SLC25A13: variants seen among roughly 807,000 people sequenced by gnomAD.
SLC25A13 encodes electrogenic aspartate/glutamate antiporter SLC25A13, mitochondrial.
A neutral mutation model predicts 85.5 loss-of-function variants in SLC25A13; 70 were observed. The ratio of observed to expected loss-of-function variants is 0.82; its 90% CI spans 0.68 to 1.00. The LOEUF is 1.00. Among genes scored for constraint, SLC25A13 ranks in the 50% least tolerant of loss-of-function variants. The probability of loss-of-function intolerance (pLI) is 0.00; values close to 1 mark genes in which losing one functional copy is unlikely to be tolerated. For missense variants in SLC25A13, 765 were observed against 819.8 expected, an observed-to-expected ratio of 0.93 and a Z score of 0.82; for synonymous variants, 259 against 288.7, an observed-to-expected ratio of 0.90 and a Z score of 1.04.
intron 3 of SLC25A13, among the ~76,000 whole-genome samples, chr7:96,245,826 G>A (rs927316322): frequency 6.6e-6 from 1 of 152,168 alleles, no homozygotes; most frequent in Non-Finnish European, 1.5e-5. Flanking sequence ...AAAAGTAATT[G>A]TAAACCATGA....
At position 96,241,097 on chromosome 7, in the gene SLC25A13, A is replaced by AGAAAGAAAGAAG. The variant is rs1562870943; in HGVS notation, c.213-6181_213-6180insCTTCTTTCTTTC. 4.9e-5 allele frequency among the ~76,000 whole-genome samples: 7 copies of AGAAAGAAAGAAG among 143,182 alleles called. No homozygotes were observed. In the East Asian group the frequency reaches 1.4e-3, roughly 28 times the overall value. The allele number at this position is 143,182 out of a possible 152,430, so 93.9% of individuals were successfully genotyped here. On this transcript the variant is annotated intron_variant, in intron 3 of 17. Transcript: ENST00000265631. ...AAGAAAGAAAGAAAGAAAGAAAGAA[A>AGAAAGAAAGAAG]GAAAGAAAGGCACTTTATACCAAGG...
Position 96,184,407 on chromosome 7 carries a change from G to A in SLC25A13, c.1047C>T (p.Ile349=), listed in dbSNP as rs768322999. The change falls in exon 11 of 18, where the codon ATC becomes ATT. Residue 349 remains isoleucine, a synonymous_variant. Transcript: ENST00000265631. The part of the protein sequence containing the change: ...GAVGATAVYP[I]DLVKTRMQNQ... ...TCTGCATTCGAGTTTTTACAAGATC[G>A]ATAGGATACACAGCAGTGGCTCCAA... is the stretch of plus-strand genomic sequence containing the variant. 22 of 1,613,978 alleles carry A rather than the reference G, an allele frequency of 1.4e-5. No homozygotes were observed. Among genetic ancestry groups the A allele is most frequent in the South Asian group, 2.2e-5 (2 of 91,074 alleles).
intron 14 of SLC25A13, among the ~76,000 whole-genome samples, chr7:96,140,379 T>C (rs1323100894): frequency 6.6e-6 from 1 of 150,724 alleles, no homozygotes; most frequent in Non-Finnish European, 1.5e-5. Context: ...ACTTTACATT[T>C]CTACCACCAA....
chr7:96,300,694 A>G (rs915941378), intron 1 of SLC25A13, among the ~76,000 whole-genome samples: 1 of 152,202 alleles, frequency 6.6e-6, no homozygotes, highest in Admixed American at 6.5e-5. Context: ...CCCAACCCAG[A>G]GTTCCAGGTA....
chr7:96,146,449 C>G, intron 14 of SLC25A13, 107 bp downstream of exon 14: 2 of 1,428,526 alleles, frequency 1.4e-6, no homozygotes, highest in Non-Finnish European at 1.9e-6. Context: ...AACATCTTCT[C>G]CAGGTGTAGA....
rs199932042 is a variant in SLC25A13, at chr7:96,256,581, G to C, written c.212+20615C>G. On this transcript the variant is annotated intron_variant, in intron 3 of 17. Coordinates refer to ENST00000265631, the MANE Select transcript of SLC25A13 (RefSeq NM_014251.3). ...CAGATTCATAAAGCAAGTTCTTAGA[G>C]ACCTACAAAGAGACTCAGACTCCCA... 2.6e-5 allele frequency among the ~76,000 whole-genome samples: 4 copies of C among 152,174 alleles called. No individual in the cohort carries two copies. The East Asian group carries it at 5.8e-4, about 22-fold the overall frequency.
At chr7:96,313,584 G>A (rs1800023059) in intron 1 of SLC25A13, among the ~76,000 whole-genome samples, 1 of 152,046 alleles carries the variant, frequency 6.6e-6, no homozygotes, top group Non-Finnish European at 1.5e-5. Context: ...ACATAAAGAT[G>A]GCAACAATAG....
chr7:96,317,829 T>A (rs79346508), intron 1 of SLC25A13, among the ~76,000 whole-genome samples: 2,024 of 147,570 alleles, frequency 0.014, 44 homozygotes, highest in African/African-American at 0.047. Flanking sequence ...TGAGACAGGA[T>A]CTCGTTCTGT....
At chr7:96,240,155 A>C (rs1796914793) in intron 3 of SLC25A13, among the ~76,000 whole-genome samples, 1 of 109,288 alleles carries the variant, frequency 9.2e-6, no homozygotes, top group Non-Finnish European at 1.9e-5. Flanking sequence ...ATACAGACTA[A>C]AAATTGTGAT....
intron 5 of SLC25A13, among the ~76,000 whole-genome samples, chr7:96,194,401 C>G (rs1467695226): frequency 7.4e-6 from 1 of 135,878 alleles, no homozygotes; most frequent in Non-Finnish European, 1.5e-5. Context: ...TGAGATCATG[C>G]CGCCACACTC....
chr7:96,190,511 T>C (rs993167795), intron 7 of SLC25A13, among the ~76,000 whole-genome samples: 1 of 152,190 alleles, frequency 6.6e-6, no homozygotes, highest in African/African-American at 2.4e-5. Flanking sequence ...AAGGCTTCCT[T>C]AGAGGTTGCC....
intron 1 of SLC25A13, chr7:96,309,447 A>G (rs567685729): frequency 2.0e-5 from 3 of 152,314 alleles, no homozygotes; most frequent in South Asian, 2.1e-4. Flanking sequence ...CTCCTCAAGT[A>G]TTTCCAAATT....
chr7:96,173,670 T>G (rs1476466477), intron 11 of SLC25A13, among the ~76,000 whole-genome samples: 1 of 152,206 alleles, frequency 6.6e-6, no homozygotes, highest in Non-Finnish European at 1.5e-5. Flanking sequence ...CTGCCTAGGC[T>G]TTCCAAAATG....
At chr7:96,174,810 T>C (rs1794151594) in intron 11 of SLC25A13, among the ~76,000 whole-genome samples, 1 of 152,216 alleles carries the variant, frequency 6.6e-6, no homozygotes, top group East Asian at 1.9e-4. Flanking sequence ...CTTCTCACCA[T>C]AAATTTAGTA....
At chr7:96,266,380 T>G (rs1388923258) in intron 3 of SLC25A13, among the ~76,000 whole-genome samples, 1 of 152,188 alleles carries the variant, frequency 6.6e-6, no homozygotes, top group Non-Finnish European at 1.5e-5. Context: ...TACTCTCAAG[T>G]GAGTCTTTCC....
intron 13 of SLC25A13, among the ~76,000 whole-genome samples, chr7:96,154,242 A>G (rs1460491798): frequency 6.6e-6 from 1 of 151,952 alleles, no homozygotes; most frequent in African/African-American, 2.4e-5. Flanking sequence ...TTAGCACAAG[A>G]CTAGATAAAT....
intron 1 of SLC25A13, chr7:96,309,417 T>C (rs1373759798): frequency 1.3e-5 from 2 of 152,244 alleles, no homozygotes; most frequent in Admixed American, 6.5e-5. Flanking sequence ...TGTGCTCACC[T>C]GGCGATTACC....
chr7:96,155,201 T>C (rs1314701319), intron 13 of SLC25A13, among the ~76,000 whole-genome samples: 11 of 152,192 alleles, frequency 7.2e-5, no homozygotes. Flanking sequence ...AATTTGAGTC[T>C]GAAAGTACAC....
chr7:96,205,287 A>T (rs984713804), intron 5 of SLC25A13, among the ~76,000 whole-genome samples: 5 of 152,250 alleles, frequency 3.3e-5, no homozygotes, highest in Non-Finnish European at 7.3e-5. Context: ...AAATACAAAG[A>T]ATATTAAAAT....
Sources: allele counts gnomAD v4.1 joint callset (sites outside exome capture counted in the v4.1 genomes callset), GRCh38; gene constraint gnomAD v4.1.1; transcripts MANE v1.5; gene names NCBI Gene and HGNC (gene_info 2026-07-23, HGNC 2026-07-21).